SLC39A10: variants seen among roughly 807,000 people sequenced by gnomAD.
The protein encoded by SLC39A10 is solute carrier family 39 member 10, also known as zinc transporter ZIP10.
A neutral mutation model predicts 65.1 loss-of-function variants in SLC39A10; 13 were observed. That is an observed-to-expected ratio of 0.20 (90% CI 0.13 to 0.32). The LOEUF (loss-of-function observed/expected upper bound fraction) is 0.32, where lower values mean the gene tolerates loss of function less well. SLC39A10 is among the 10% of genes least tolerant of loss of function. The probability of loss-of-function intolerance (pLI) is 1.00; values close to 1 mark genes in which losing one functional copy is unlikely to be tolerated. For missense variants in SLC39A10, 831 were observed against 1,018.4 expected, an observed-to-expected ratio of 0.82 and a Z score of 2.50; for synonymous variants, 321 against 342.2, an observed-to-expected ratio of 0.94 and a Z score of 0.68.
chr2:195,660,788 T>G (rs898281791), intron 1 of SLC39A10, among the ~76,000 whole-genome samples: 2 of 152,226 alleles, frequency 1.3e-5, no homozygotes, highest in African/African-American at 4.8e-5. Context: ...AACAATTTTA[T>G]ATATTTAATC....
At chr2:195,631,081 C>G (rs981758347) in intron 2 of SLC39A10, among the ~76,000 whole-genome samples, 5 of 151,948 alleles carry the variant, frequency 3.3e-5, no homozygotes, top group Non-Finnish European at 7.4e-5. Context: ...TCCAGCTACT[C>G]AGGAGGCTGA....
chr2:195,639,996 T>G (rs1192082819), intron 2 of SLC39A10, among the ~76,000 whole-genome samples: 1 of 152,232 alleles, frequency 6.6e-6, no homozygotes, highest in African/African-American at 2.4e-5. Context: ...GATATTTGTT[T>G]TATAGTTTGG....
upstream of SLC39A10, chr2:195,656,797 C>T (rs578233485): frequency 6.6e-6 from 1 of 152,350 alleles, no homozygotes; most frequent in South Asian, 2.1e-4. Flanking sequence ...TTAGAGCTTC[C>T]ATTACTCATT....
At position 195,716,878 on chromosome 2, in the gene SLC39A10, G is replaced by A; in HGVS notation, c.1938G>A (p.Lys646=). The change falls in exon 7 of 10, where the codon AAG becomes AAA. Residue 646 remains lysine (K), a synonymous_variant. Transcript: ENST00000359634. ...LRKHNHQWHH[K]HSHHSHGPCH... is the part of the protein sequence containing the mutation. ...AGCATAATCACCAGTGGCACCACAAGCATTCTCATCATTCCCATGGCCCCT... is the reference window on the plus strand; with the variant it reads ...AGCATAATCACCAGTGGCACCACAAACATTCTCATCATTCCCATGGCCCCT... The A allele has an allele frequency of 6.2e-7, 1 of 1,614,146 alleles. No individual in the cohort carries two copies. Among genetic ancestry groups the A allele is most frequent in the Non-Finnish European group, 8.5e-7 (1 of 1,180,014 alleles).
At chr2:195,653,323 T>G (rs1689080751), upstream of SLC39A10, among the ~76,000 whole-genome samples, 1 of 151,516 alleles carries the variant, frequency 6.6e-6, no homozygotes. Flanking sequence ...AGACAGAGTC[T>G]TCTTCTGTCA....
chr2:195,700,612 A>G lies in SLC39A10; in HGVS notation c.1217-6004A>G, dbSNP rs971760043. Among the ~76,000 whole-genome samples, 15 of 152,254 alleles carry G rather than the reference A, an allele frequency of 9.9e-5. No individual in the cohort carries two copies. The East Asian group carries it at 2.9e-3, about 29-fold the overall frequency. On this transcript the variant is annotated intron_variant, in intron 3 of 9. Coordinates refer to ENST00000359634, the MANE Select transcript of SLC39A10 (RefSeq NM_020342.3). ...TTACAGGGCAAGTCTAGTGGCAACA[A>G]ACTCCCTCAGCTTTTGTTTACTTGG...
At chr2:195,616,575 G>A (rs1332879795) in intron 2 of SLC39A10, among the ~76,000 whole-genome samples, 1 of 151,534 alleles carries the variant, frequency 6.6e-6, no homozygotes, top group Admixed American at 6.6e-5. Flanking sequence ...AAAGTGCTGG[G>A]GTTACAGGCA....
intron 3 of SLC39A10, among the ~76,000 whole-genome samples, chr2:195,685,985 T>C (rs1393276645): frequency 2.0e-5 from 3 of 152,224 alleles, no homozygotes; most frequent in Non-Finnish European, 4.4e-5. Flanking sequence ...TCAAAATTAG[T>C]TGGATTTTCA....
At chr2:195,726,976 C>T (rs1253063334) in intron 8 of SLC39A10, among the ~76,000 whole-genome samples, 5 of 151,872 alleles carry the variant, frequency 3.3e-5, no homozygotes, top group Admixed American at 3.3e-4. Context: ...TCTTTCATAC[C>T]TCTTCAAGGT....
rs1477017212 is a variant in SLC39A10, at chr2:195,735,523, T to C, written c.*482T>C. ...GTGATAGGGATCAACTTGACACAAC[T>C]TTGAAACTGCATAAAGTAGACATAG... On this transcript the variant is annotated 3_prime_UTR_variant, in exon 10 of 10. Coordinates refer to ENST00000359634, the MANE Select transcript of SLC39A10 (RefSeq NM_020342.3). 6.6e-6 allele frequency: 1 copy of C among 152,660 alleles called. No individual in the cohort carries two copies. 9.5% of individuals were successfully genotyped at this position (152,660 alleles called of 1,614,324 possible).
chr2:195,623,856 G>A (rs1688401373), intron 2 of SLC39A10, among the ~76,000 whole-genome samples: 1 of 148,384 alleles, frequency 6.7e-6, no homozygotes, highest in Non-Finnish European at 1.5e-5. Context: ...GAGGTTTTTG[G>A]TCATTTATTA....
intron 3 of SLC39A10, among the ~76,000 whole-genome samples, chr2:195,693,703 A>G (rs1690832687): frequency 6.6e-6 from 1 of 152,000 alleles, no homozygotes. Flanking sequence ...TTCTTAGTTA[A>G]TCTCACTAAT....
intron 2 of SLC39A10, among the ~76,000 whole-genome samples, chr2:195,637,005 C>T (rs1023406375): frequency 2.0e-5 from 3 of 152,042 alleles, no homozygotes; most frequent in African/African-American, 7.3e-5. Flanking sequence ...GTACCTAATT[C>T]CCTCTAGTCT....
intron 2 of SLC39A10, among the ~76,000 whole-genome samples, chr2:195,641,232 A>G (rs914949193): frequency 6.6e-5 from 10 of 152,192 alleles, no homozygotes; most frequent in African/African-American, 2.2e-4. Flanking sequence ...GTGATTTATA[A>G]ACTGAATCCT....
intron 1 of SLC39A10, among the ~76,000 whole-genome samples, chr2:195,674,268 C>T (rs976528540): frequency 6.6e-6 from 1 of 151,800 alleles, no homozygotes; most frequent in African/African-American, 2.4e-5. Context: ...CACAGCTGAC[C>T]ACTTTTCCTT....
At chr2:195,654,643 C>T (rs1318058060), upstream of SLC39A10, among the ~76,000 whole-genome samples, 1 of 152,170 alleles carries the variant, frequency 6.6e-6, no homozygotes, top group Non-Finnish European at 1.5e-5. Flanking sequence ...TTGAGATGAG[C>T]TTCTTTATGA....
intron 1 of SLC39A10, among the ~76,000 whole-genome samples, chr2:195,663,708 AAAAGAAAT>A (rs1024949189): frequency 3.7e-5 from 4 of 107,916 alleles, no homozygotes; most frequent in African/African-American, 5.8e-5. Flanking sequence ...TTATGAAAAA[AAAAGAAAT>A]AAGAGAAAAG....
At chr2:195,635,767 G>A (rs1688687012) in intron 2 of SLC39A10, among the ~76,000 whole-genome samples, 1 of 144,352 alleles carries the variant, frequency 6.9e-6, no homozygotes, top group African/African-American at 2.6e-5. Flanking sequence ...AGACTTGAAT[G>A]TTTTGCAGAC....
intron 2 of SLC39A10, among the ~76,000 whole-genome samples, chr2:195,645,562 C>A (rs973621721): frequency 6.6e-5 from 10 of 152,094 alleles, no homozygotes; most frequent in Non-Finnish European, 1.2e-4. Context: ...GAAACGCTAC[C>A]AATTAAACAT....
Sources: gnomAD v4.1 joint callset for allele counts (sites outside exome capture counted in the v4.1 genomes callset) on GRCh38, gnomAD v4.1.1 for gene constraint, MANE v1.5 for transcripts, NCBI Gene and HGNC (gene_info 2026-07-23, HGNC 2026-07-21) for gene names.